SMAD5: variants seen among roughly 807,000 people sequenced by gnomAD.
SMAD5 encodes SMAD family member 5.
A neutral mutation model predicts 43.1 loss-of-function variants in SMAD5; 9 were observed. That is an observed-to-expected ratio of 0.21 (90% CI 0.13 to 0.36). The LOEUF (loss-of-function observed/expected upper bound fraction) is 0.36, where lower values mean the gene tolerates loss of function less well. Ranked by LOEUF, SMAD5 falls within the 10% of genes least tolerant of loss-of-function variation. The probability of loss-of-function intolerance (pLI) is 1.00; values close to 1 mark genes in which losing one functional copy is unlikely to be tolerated. For missense variants in SMAD5, 348 were observed against 574.0 expected, an observed-to-expected ratio of 0.61 and a Z score of 4.02; for synonymous variants, 190 against 192.4, an observed-to-expected ratio of 0.99 and a Z score of 0.10.
In SMAD5 at chr5:136,178,450, T is replaced by C. The variant is rs1459781995; in HGVS notation, c.*970T>C. The C allele has an allele frequency of 6.6e-6, 1 of 152,630 alleles. No homozygotes were observed. The highest frequency in any genetic ancestry group is 2.4e-5 in the African/African-American group (1 of 41,474). 9.5% of individuals were successfully genotyped at this position (152,630 alleles called of 1,614,324 possible). On this transcript the variant is annotated 3_prime_UTR_variant, in exon 8 of 8. Coordinates refer to ENST00000545279, the MANE Select transcript of SMAD5 (RefSeq NM_005903.7). The stretch of plus-strand genomic sequence containing the variant: ...TTGTATTAACAAACACTGCAATTTA[T>C]AGATTACATTTGTAGGAAGTTATGC...
intron 4 of SMAD5, 23 bp from the exon 5 acceptor site, chr5:136,163,245 TTTAA>T (rs747433634): frequency 6.4e-7 from 1 of 1,566,948 alleles, no homozygotes. Context: ...GAATGAAGAT[TTTAA>T]TTATTATTTT....
At chr5:136,146,769 A>C (rs1223024576) in intron 1 of SMAD5, among the ~76,000 whole-genome samples, 1 of 151,816 alleles carries the variant, frequency 6.6e-6, no homozygotes, top group African/African-American at 2.4e-5. Flanking sequence ...TTTTAATCTC[A>C]GTTTAACAAT....
chr5:136,174,149 A>G (rs951183054), intron 6 of SMAD5, among the ~76,000 whole-genome samples: 2 of 152,154 alleles, frequency 1.3e-5, no homozygotes, highest in African/African-American at 4.8e-5. Context: ...CAACCTAAAA[A>G]TGGATAACTT....
At position 136,178,292 on chromosome 5, in the gene SMAD5, GAAC is replaced by G. The variant is rs1399019624; in HGVS notation, c.*813_*815del. 1 of 152,610 alleles carries G rather than the reference GAAC, an allele frequency of 6.6e-6. No individual in the cohort carries two copies. The highest frequency in any genetic ancestry group is 1.5e-5 in the Non-Finnish European group (1 of 68,024). The allele number at this position is 152,610 out of a possible 1,614,324, so 9.5% of individuals were successfully genotyped here. A position where few individuals can be genotyped will look rare whatever the true frequency, so the allele number is the denominator to read the frequency against. On this transcript the variant is annotated 3_prime_UTR_variant, in exon 8 of 8. Transcript: ENST00000545279. ...TTGCTGCTTTTGGACAATGTTGCAA[GAAC>G]TCTATTTTTGACATGCATTAATCTT...
chr5:136,157,635 A>G (rs1753682973), intron 3 of SMAD5, among the ~76,000 whole-genome samples: 1 of 152,122 alleles, frequency 6.6e-6, no homozygotes. Flanking sequence ...GATCCCTCAT[A>G]TGTGCAGTTG....
Position 136,163,263 on chromosome 5 carries a change from TCC to T in SMAD5, c.656-8_656-7del. 2 of 1,575,412 alleles carry T rather than the reference TCC, an allele frequency of 1.3e-6. No homozygotes were observed. Among genetic ancestry groups the T allele is most frequent in the Admixed American group, 1.8e-5 (1 of 54,226 alleles). The stretch of plus-strand genomic sequence containing the variant: ...TGAAGATTTTAATTATTATTTTTTT[TCC>T]TCTTAGCTGATACGCCTCCTCCTGC... On this transcript the variant is annotated splice_polypyrimidine_tract_variant and splice_region_variant and intron_variant, in intron 4 of 7. Coordinates refer to ENST00000545279, the MANE Select transcript of SMAD5 (RefSeq NM_005903.7).
At chr5:136,166,885 A>G (rs1267754991) in intron 5 of SMAD5, among the ~76,000 whole-genome samples, 5 of 152,134 alleles carry the variant, frequency 3.3e-5, no homozygotes, top group African/African-American at 1.2e-4. Flanking sequence ...TTGGAATGTA[A>G]TTTGTCTCAA....
At chr5:136,174,957 C>T (rs764459930) in intron 7 of SMAD5, among the ~76,000 whole-genome samples, 1 of 152,116 alleles carries the variant, frequency 6.6e-6, no homozygotes. Context: ...AATAGACATA[C>T]TCAAGACTGG....
chr5:136,151,887 A>G (rs1463465339), intron 2 of SMAD5, among the ~76,000 whole-genome samples: 2 of 152,032 alleles, frequency 1.3e-5, no homozygotes, highest in Non-Finnish European at 2.9e-5. Flanking sequence ...CCTGACCCAC[A>G]TGGATTTTAT....
intron 1 of SMAD5, among the ~76,000 whole-genome samples, chr5:136,143,018 A>G (rs1753136638): frequency 6.6e-6 from 1 of 151,948 alleles, no homozygotes; most frequent in Non-Finnish European, 1.5e-5. Flanking sequence ...TAATATCACA[A>G]TTCATCTCTC....
rs758901305 is a variant in SMAD5, at chr5:136,154,023, T to C, written c.263T>C (p.Ile88Thr). The C allele has an allele frequency of 1.2e-6, 2 of 1,609,884 alleles. No individual in the cohort carries two copies. The highest frequency in any genetic ancestry group is 1.1e-5 in the South Asian group (1 of 90,114). The part of the protein sequence containing the change: ...VSHRKGLPHV[I>T]YCRVWRWPDL... ...CACAGAAAAGGCTTACCCCATGTTA[T>C]ATATTGTCGTGTTTGGCGCTGGCCG... Residue 88 changes from isoleucine (I) to threonine (T), a missense_variant, in exon 3 of 8, where the codon ATA becomes ACA. Ile to Thr is a moderately conservative substitution (Grantham distance 89). This residue lies in a region of SMAD5 where 27 missense variants were observed against 53.9 expected (regional missense o/e 0.50). Coordinates refer to ENST00000545279, the MANE Select transcript of SMAD5 (RefSeq NM_005903.7).
In SMAD5 at chr5:136,132,977, C is replaced by G. The variant is rs1030523560; in HGVS notation, c.-245+15C>G. 19 of 152,410 alleles carry G rather than the reference C, an allele frequency of 1.2e-4. No homozygotes were observed. Among genetic ancestry groups the G allele is most frequent in the African/African-American group, 4.3e-4 (18 of 41,576 alleles). 9.4% of individuals were successfully genotyped at this position (152,410 alleles called of 1,614,324 possible). On this transcript the variant is annotated intron_variant, in intron 1 of 7. Transcript: ENST00000545279. ...CCGGCTCGCGAGTGAGTGAGGGTCC[C>G]CGGCGCGCGCGGGCGAGGGGAACTG...
At chr5:136,171,263 T>C (rs76605336) in intron 5 of SMAD5, among the ~76,000 whole-genome samples, 2 of 152,228 alleles carry the variant, frequency 1.3e-5, no homozygotes, top group African/African-American at 2.4e-5. Context: ...CTTTTTTGTT[T>C]AAAATAATTT....
rs1180186816 is a variant in SMAD5 at position 136,181,029 on chromosome 5, A to G, written c.*3549A>G. ...AGAGAATGTTTATACAAAAAATGAA[A>G]TTCTTCCAACAGCAGAGAAACTCTA... On this transcript the variant is annotated 3_prime_UTR_variant, in exon 8 of 8. Coordinates refer to ENST00000545279, the MANE Select transcript of SMAD5 (RefSeq NM_005903.7). 1.3e-5 allele frequency: 2 copies of G among 152,052 alleles called. No individual in the cohort carries two copies. Among genetic ancestry groups the G allele is most frequent in the Admixed American group, 6.6e-5 (1 of 15,266 alleles). The allele number at this position is 152,052 out of a possible 1,614,324, so 9.4% of individuals were successfully genotyped here. A position where few individuals can be genotyped will look rare whatever the true frequency, so the allele number is the denominator to read the frequency against.
chr5:136,176,544 TTA>T (rs1337096340), intron 7 of SMAD5, among the ~76,000 whole-genome samples: 2 of 151,856 alleles, frequency 1.3e-5, no homozygotes, highest in Non-Finnish European at 2.9e-5. Context: ...TTTTGATTTT[TTA>T]TATATGATTC....
chr5:136,165,340 T>TCTTA (rs1753958711), intron 5 of SMAD5, among the ~76,000 whole-genome samples: 3 of 151,910 alleles, frequency 2.0e-5, no homozygotes, highest in Non-Finnish European at 4.4e-5. Flanking sequence ...TGAGATGGAG[T>TCTTA]CTTACAGTGT....
chr5:136,179,475 A>G lies in SMAD5; in HGVS notation c.*1995A>G, dbSNP rs1309974621. On this transcript the variant is annotated 3_prime_UTR_variant, in exon 8 of 8. Transcript: ENST00000545279. ...CCTTTCTGCTCTTGTGAAGAAAAAA[A>G]AAAGCATTTTCGAGGAAAGAATTAT... 1 of 152,498 alleles carries G rather than the reference A, an allele frequency of 6.6e-6. No homozygotes were observed. Among genetic ancestry groups the G allele is most frequent in the Non-Finnish European group, 1.5e-5 (1 of 68,036 alleles). The allele number at this position is 152,498 out of a possible 1,614,324, so 9.4% of individuals were successfully genotyped here. A position where few individuals can be genotyped will look rare whatever the true frequency, so the allele number is the denominator to read the frequency against.
chr5:136,162,251 G>T (rs1580787265), intron 4 of SMAD5, among the ~76,000 whole-genome samples: 1 of 152,272 alleles, frequency 6.6e-6, no homozygotes, highest in South Asian at 2.1e-4. Flanking sequence ...GAGGAAACTC[G>T]GGTAACCAGA....
chr5:136,176,737 T>A, intron 7 of SMAD5, among the ~76,000 whole-genome samples: 1 of 152,126 alleles, frequency 6.6e-6, no homozygotes, highest in East Asian at 1.9e-4. Flanking sequence ...TTTGTGCTAT[T>A]CATAAATTTT....
Sources: allele counts gnomAD v4.1 joint callset (sites outside exome capture counted in the v4.1 genomes callset), GRCh38; gene constraint gnomAD v4.1.1; regional missense constraint gnomAD v4.1.1; transcripts MANE v1.5; gene names NCBI Gene and HGNC (gene_info 2026-07-23, HGNC 2026-07-21).